The following SAMMSON variants were observed in gnomAD, a reference collection of about 807,000 sequenced individuals.
SAMMSON encodes survival associated mitochondrial melanoma specific oncogenic non-coding RNA, also known as long intergenic non-protein coding RNA 1212.
intron 4 of SAMMSON, among the ~76,000 whole-genome samples, chr3:70,080,953 G>A (rs943911741): frequency 6.6e-6 from 1 of 152,028 alleles, no homozygotes; most frequent in Non-Finnish European, 1.5e-5. Context: ...CAGGGAGGTG[G>A]GTATTTTGTA....
intron 2 of SAMMSON, among the ~76,000 whole-genome samples, chr3:70,432,261 TC>T (rs916563417): frequency 4.7e-4 from 71 of 152,068 alleles, no homozygotes; most frequent in African/African-American, 1.7e-3. Context: ...TGGATTTTTT[TC>T]ATGTACCTAT....
At chr3:70,429,486 T>C (rs1163760016) in intron 2 of SAMMSON, among the ~76,000 whole-genome samples, 1 of 151,720 alleles carries the variant, frequency 6.6e-6, no homozygotes, top group East Asian at 1.9e-4. Context: ...AAAGTAGTTT[T>C]TTTCTAATTC....
At chr3:70,322,500 C>A (rs939476944) in intron 7 of SAMMSON, among the ~76,000 whole-genome samples, 7 of 152,114 alleles carry the variant, frequency 4.6e-5, no homozygotes, top group African/African-American at 1.7e-4. Flanking sequence ...ACTTGATCTT[C>A]TACCAACATC....
At chr3:70,176,731 C>A (rs940401969) in intron 4 of SAMMSON, among the ~76,000 whole-genome samples, 2 of 152,076 alleles carry the variant, frequency 1.3e-5, no homozygotes, top group Non-Finnish European at 2.9e-5. Context: ...ACTAGGTGTT[C>A]AAATATGTTA....
intron 4 of SAMMSON, among the ~76,000 whole-genome samples, chr3:70,195,686 A>C (rs576013220): frequency 1.3e-5 from 2 of 152,184 alleles, no homozygotes; most frequent in Admixed American, 6.5e-5. Flanking sequence ...TTACTCATGC[A>C]TGATGCTTTT....
At chr3:70,419,184 A>G (rs888221333) in intron 2 of SAMMSON, among the ~76,000 whole-genome samples, 3 of 150,752 alleles carry the variant, frequency 2.0e-5, no homozygotes, top group Non-Finnish European at 4.4e-5. Flanking sequence ...GCCACCACGC[A>G]TGGCTAATTA....
At chr3:70,119,157 C>G (rs2067423008) in intron 4 of SAMMSON, among the ~76,000 whole-genome samples, 1 of 152,172 alleles carries the variant, frequency 6.6e-6, no homozygotes, top group African/African-American at 2.4e-5. Context: ...ACGTCCACCT[C>G]TTGGGTTCAA....
At chr3:70,223,037 G>T (rs921816564) in intron 4 of SAMMSON, among the ~76,000 whole-genome samples, 1 of 152,094 alleles carries the variant, frequency 6.6e-6, no homozygotes, top group Admixed American at 6.6e-5. Context: ...TTAGGGGCAG[G>T]CTTCAAATTT....
intron 4 of SAMMSON, among the ~76,000 whole-genome samples, chr3:70,201,049 CT>C (rs201795649): frequency 6.6e-6 from 1 of 150,664 alleles, no homozygotes; most frequent in Non-Finnish European, 1.5e-5. Flanking sequence ...TATTTAAATT[CT>C]TTTTTTAACA....
intron 4 of SAMMSON, among the ~76,000 whole-genome samples, chr3:70,217,623 G>C (rs951976141): frequency 6.6e-6 from 1 of 152,158 alleles, no homozygotes; most frequent in Non-Finnish European, 1.5e-5. Context: ...AGAGGTAGAA[G>C]GTGTTTTCAT....
chr3:70,428,836 C>T (rs1337606077), intron 2 of SAMMSON, among the ~76,000 whole-genome samples: 2 of 152,064 alleles, frequency 1.3e-5, no homozygotes, highest in African/African-American at 4.8e-5. Flanking sequence ...ATCTTTCTTC[C>T]AATGATGATT....
intron 4 of SAMMSON, among the ~76,000 whole-genome samples, chr3:70,138,569 A>G (rs1454978527): frequency 6.6e-6 from 1 of 152,242 alleles, no homozygotes; most frequent in Non-Finnish European, 1.5e-5. Context: ...ATATGAAATC[A>G]TGGGGGGACA....
At chr3:70,135,799 C>G (rs114395748) in intron 4 of SAMMSON, among the ~76,000 whole-genome samples, 83 of 152,236 alleles carry the variant, frequency 5.5e-4, no homozygotes, top group African/African-American at 1.8e-3. Flanking sequence ...TATACTTTGT[C>G]AAGAAACTAA....
chr3:70,022,634 C>T (rs962835020), intron 3 of SAMMSON, among the ~76,000 whole-genome samples: 1 of 152,094 alleles, frequency 6.6e-6, no homozygotes, highest in Non-Finnish European at 1.5e-5. Context: ...TTCTAATTGA[C>T]TAGATGAAAT....
chr3:70,369,117 A>G (rs532046462), intron 9 of SAMMSON, among the ~76,000 whole-genome samples: 3 of 151,664 alleles, frequency 2.0e-5, no homozygotes, highest in South Asian at 2.1e-4. Context: ...ATAAATGTCT[A>G]TTTTAAATAT....
intron 4 of SAMMSON, among the ~76,000 whole-genome samples, chr3:70,165,252 A>G (rs893993301): frequency 6.6e-6 from 1 of 152,026 alleles, no homozygotes; most frequent in African/African-American, 2.4e-5. Context: ...GACTTATCAG[A>G]TAACACAGGC....
intron 3 of SAMMSON, among the ~76,000 whole-genome samples, chr3:70,026,904 G>C (rs532875388): frequency 4.5e-4 from 68 of 152,246 alleles, no homozygotes; most frequent in African/African-American, 1.5e-3. Flanking sequence ...AGCATCCCCG[G>C]ATGGTGGAAT....
intron 4 of SAMMSON, chr3:70,125,882 C>A (rs1436077587): frequency 4.4e-6 from 3 of 687,490 alleles, no homozygotes; most frequent in South Asian, 3.1e-5. Flanking sequence ...CTGCTGTCAT[C>A]TTCTAATTCT....
chr3:70,148,626 A>T (rs550654840), intron 4 of SAMMSON, among the ~76,000 whole-genome samples: 1 of 152,016 alleles, frequency 6.6e-6, no homozygotes, highest in Admixed American at 6.6e-5. Flanking sequence ...GTGTGCACAG[A>T]TCATATGGCC....
Sources: gnomAD v4.1 joint callset for allele counts (sites outside exome capture counted in the v4.1 genomes callset) on GRCh38, gnomAD v4.1.1 for gene constraint, MANE v1.5 for transcripts, NCBI Gene and HGNC (gene_info 2026-07-23, HGNC 2026-07-21) for gene names.